RPTOR: variants seen among roughly 807,000 people sequenced by gnomAD.
The protein encoded by RPTOR is regulatory associated protein of MTOR complex 1.
RPTOR carries 21 observed loss-of-function variants against 169.9 expected under a neutral mutation model. That is an observed-to-expected ratio of 0.12 (90% CI 0.09 to 0.18). RPTOR has a LOEUF of 0.18. Among genes scored for constraint, RPTOR ranks in the 10% least tolerant of loss-of-function variants. The pLI is 1.00. For synonymous variants in RPTOR, 732 were observed against 753.2 expected (o/e 0.97, Z 0.46); for missense variants, 1,133 against 1,855.9 (o/e 0.61, Z 7.16).
chr17:80,691,500 G>A (rs1464243250), intron 3 of RPTOR, among the ~76,000 whole-genome samples: 2 of 152,274 alleles, frequency 1.3e-5, no homozygotes, highest in African/African-American at 2.4e-5. Flanking sequence ...GGTGTGGCGT[G>A]TGTGGCCACC....
intron 17 of RPTOR, among the ~76,000 whole-genome samples, chr17:80,889,851 GCCCCC>G (rs2068295586): frequency 1.6e-5 from 2 of 124,110 alleles, no homozygotes; most frequent in African/African-American, 3.0e-5. Flanking sequence ...TCCGAGGGAG[GCCCCC>G]GTATGCAGCA....
At chr17:80,554,285 A>T (rs1349857692) in intron 1 of RPTOR, among the ~76,000 whole-genome samples, 2 of 152,068 alleles carry the variant, frequency 1.3e-5, no homozygotes, top group Non-Finnish European at 2.9e-5. Context: ...ACAGATCTTT[A>T]AGAAACTACC....
At chr17:80,682,106 G>GT in intron 3 of RPTOR, among the ~76,000 whole-genome samples, 3 of 67,798 alleles carry the variant, frequency 4.4e-5, no homozygotes, top group African/African-American at 9.3e-5. Flanking sequence ...ATGTGATTAG[G>GT]TCCCCCCCCC....
At chr17:80,821,070 C>T (rs1442109926) in intron 7 of RPTOR, among the ~76,000 whole-genome samples, 5 of 152,166 alleles carry the variant, frequency 3.3e-5, no homozygotes, top group South Asian at 2.1e-4. Flanking sequence ...GGAAATAAGA[C>T]GTTATTTTCT....
chr17:80,610,649 A>C (rs1197537635), intron 1 of RPTOR, among the ~76,000 whole-genome samples: 4 of 152,070 alleles, frequency 2.6e-5, no homozygotes, highest in Non-Finnish European at 4.4e-5. Context: ...AAACTTCCTG[A>C]TGTGATCCTT....
Position 80,965,101 on chromosome 17 carries a change from G to C in RPTOR, c.*771G>C, listed in dbSNP as rs1052748114. The C allele has an allele frequency of 1.3e-5, 3 of 233,198 alleles. No individual in the cohort carries two copies. The highest frequency in any genetic ancestry group is 6.6e-5 in the African/African-American group (3 of 45,362). The allele number at this position is 233,198 out of a possible 1,614,324, so 14.4% of individuals were successfully genotyped here. On this transcript the variant is annotated 3_prime_UTR_variant, in exon 34 of 34. Coordinates refer to ENST00000306801, the MANE Select transcript of RPTOR (RefSeq NM_020761.3). ...TGCACAGGGGAGGCAGGTCCTTGGC[G>C]AGGTAGCCCCTGCCTTAATCCACGG...
At chr17:80,561,294 A>G (rs987564432) in intron 1 of RPTOR, among the ~76,000 whole-genome samples, 1 of 132,160 alleles carries the variant, frequency 7.6e-6, no homozygotes, top group African/African-American at 3.3e-5. Flanking sequence ...TATATTTAGT[A>G]GAGATGGGGT....
intron 6 of RPTOR, among the ~76,000 whole-genome samples, chr17:80,776,818 C>T (rs186938414): frequency 1.3e-5 from 2 of 152,328 alleles, no homozygotes; most frequent in East Asian, 3.9e-4. Context: ...AGGCCAGAGA[C>T]AGAGAAGGCC....
intron 2 of RPTOR, among the ~76,000 whole-genome samples, chr17:80,628,451 T>C (rs1268955485): frequency 2.0e-5 from 3 of 152,210 alleles, no homozygotes; most frequent in African/African-American, 7.2e-5. Flanking sequence ...TTTAGCACTG[T>C]CTTTTAAAAC....
intron 3 of RPTOR, among the ~76,000 whole-genome samples, chr17:80,654,343 A>AT (rs111364856): frequency 0.01 from 1,524 of 152,360 alleles, 31 homozygotes; most frequent in African/African-American, 0.035. Flanking sequence ...TGAGGGCTGC[A>AT]CGGGCTGTGG....
At chr17:80,792,929 C>G (rs185527557) in intron 7 of RPTOR, among the ~76,000 whole-genome samples, 50 of 152,136 alleles carry the variant, frequency 3.3e-4, no homozygotes, top group African/African-American at 1.1e-3. Context: ...ATGCGTATCC[C>G]AAATCTAAAA....
chr17:80,808,645 G>A lies in RPTOR; in HGVS notation c.891-13556G>A, dbSNP rs533497425. 3.5e-4 allele frequency among the ~76,000 whole-genome samples: 53 copies of A among 152,254 alleles called. 1 individual carries two copies. Among genetic ancestry groups the A allele is most frequent in the Admixed American group, 2.9e-3 (45 of 15,290 alleles). The stretch of plus-strand genomic sequence containing the variant: ...CCACACCACAGTCAGCGTATATCCC[G>A]TGTGTCCCCTTGTACCTGTCCCAGT... On this transcript the variant is annotated intron_variant, in intron 7 of 33. Transcript: ENST00000306801.
intron 6 of RPTOR, among the ~76,000 whole-genome samples, chr17:80,755,806 A>G (rs1200850246): frequency 6.6e-6 from 1 of 151,390 alleles, no homozygotes. Flanking sequence ...GGCAGCAGAG[A>G]GGGATCTGCA....
chr17:80,841,356 T>G (rs1249974979), intron 10 of RPTOR, among the ~76,000 whole-genome samples: 1 of 121,224 alleles, frequency 8.2e-6, no homozygotes, highest in African/African-American at 3.5e-5. Context: ...CAGCTCGCTC[T>G]CTCTGCACCG....
intron 7 of RPTOR, chr17:80,804,884 T>A (rs2067202419): frequency 6.6e-6 from 1 of 152,114 alleles, no homozygotes; most frequent in Non-Finnish European, 1.5e-5. Context: ...CCTGACAAAA[T>A]GAGGGGATGT....
At chr17:80,913,913 G>A (rs2068641425) in intron 21 of RPTOR, among the ~76,000 whole-genome samples, 1 of 152,190 alleles carries the variant, frequency 6.6e-6, no homozygotes, top group Non-Finnish European at 1.5e-5. Flanking sequence ...TCACCTGTCA[G>A]GGCACATGTT....
At chr17:80,634,154 C>T (rs1296485072) in intron 2 of RPTOR, among the ~76,000 whole-genome samples, 2 of 115,246 alleles carry the variant, frequency 1.7e-5, no homozygotes, top group African/African-American at 6.8e-5. Flanking sequence ...CGTGTGCGTA[C>T]TGTGTGTGTG....
intron 33 of RPTOR, 115 bp downstream of exon 33, chr17:80,963,172 A>C (rs1347634163): frequency 1.9e-6 from 2 of 1,037,668 alleles, no homozygotes; most frequent in Admixed American, 4.2e-5. Flanking sequence ...AGTGGGGCCC[A>C]TTGGCTGCCT....
chr17:80,691,180 A>T (rs534557461), intron 3 of RPTOR, among the ~76,000 whole-genome samples: 1 of 152,346 alleles, frequency 6.6e-6, no homozygotes, highest in South Asian at 2.1e-4. Context: ...TCATAGAGGA[A>T]AGCCAGCATC....
Sources: gnomAD v4.1 joint callset for allele counts (sites outside exome capture counted in the v4.1 genomes callset) on GRCh38, gnomAD v4.1.1 for gene constraint, MANE v1.5 for transcripts, NCBI Gene and HGNC (gene_info 2026-07-23, HGNC 2026-07-21) for gene names.